The following TTC3 variants were observed in gnomAD, a reference collection of about 807,000 sequenced individuals.
The protein encoded by TTC3 is tetratricopeptide repeat domain 3.
Under a neutral mutation model 249.6 loss-of-function variants are expected in TTC3, and 180 were observed. The ratio of observed to expected loss-of-function variants is 0.72; its 90% confidence interval spans 0.64 to 0.82. The LOEUF is 0.82. Among genes scored for constraint, TTC3 ranks in the 40% least tolerant of loss-of-function variants. The pLI, the probability that TTC3 is intolerant of heterozygous loss-of-function variation, is 0.00. For missense variants in TTC3, 2,061 were observed against 2,398.4 expected, an observed-to-expected ratio of 0.86 and a Z score of 2.94; for synonymous variants, 717 against 805.0, an observed-to-expected ratio of 0.89 and a Z score of 1.85.
At chr21:37,150,971 T>G in intron 25 of TTC3, 87 bp downstream of exon 25, 5 of 990,830 alleles carry the variant, frequency 5.0e-6, no homozygotes, top group Non-Finnish European at 7.6e-6. Context: ...TTATGCCTTT[T>G]TAAAAATTGG....
intron 18 of TTC3, among the ~76,000 whole-genome samples, chr21:37,137,438 G>T (rs2078055600): frequency 6.6e-6 from 1 of 152,160 alleles, no homozygotes; most frequent in South Asian, 2.1e-4. Context: ...ACTTTGAGGG[G>T]TTCAGGACAT....
At chr21:37,161,364 CTCCCAGGCTCAAGT>C (rs962106827) in intron 30 of TTC3, among the ~76,000 whole-genome samples, 26 of 152,240 alleles carry the variant, frequency 1.7e-4, no homozygotes, top group Non-Finnish European at 3.1e-4. Flanking sequence ...CAGCCTCAAA[CTCCCAGGCTCAAGT>C]GATCTTCCCA....
exon 18 of TTC3, chr21:37,135,412 C>T: frequency 6.2e-7 from 1 of 1,613,544 alleles, no homozygotes; most frequent in Non-Finnish European, 8.5e-7. Flanking sequence ...TGCTGAGAAG[C>T]TTAATTCAAG....
rs146500630 is a variant in TTC3, at chr21:37,075,441, C to T, written c.-12+2077C>T. Among the ~76,000 whole-genome samples, 795 of 152,270 alleles carry T rather than the reference C, an allele frequency of 5.2e-3. 9 individuals are homozygous for T. The highest frequency in any genetic ancestry group is 0.018 in the African/African-American group (755 of 41,542). ...AAGTACACCTAAGTAGTAGATTTGC[C>T]GGATTGTAGGCTATGTGCGTCTTCA... On this transcript the variant is annotated intron_variant, in intron 1 of 45. Transcript: ENST00000355666.
chr21:37,147,731 ATT>A (rs372841981), intron 22 of TTC3, 128 bp downstream of exon 22: 14,338 of 819,618 alleles, frequency 0.017, no homozygotes, highest in South Asian at 0.026. Flanking sequence ...CTTTCCCAGG[ATT>A]TTTTTTTTTT....
rs144830241 is a variant in TTC3 at position 37,087,324 on chromosome 21, G to T, written c.67G>T (p.Val23Leu). ...TGCCTTGTTAGAAGATTGCCCTCAC[G>T]TGGATGATTGTGTCTTTGCTGCTGA... The change falls in exon 2 of 46, where the codon GTG becomes TTG. Residue 23 changes from valine (V) to leucine (L), a missense_variant. Physicochemically the swap from Val to Leu is conservative, Grantham distance 32. Around this residue, in one of 3 missense-constraint regions of TTC3, gnomAD observed 989 missense variants for 1,145.1 expected, o/e 0.86. Coordinates refer to ENST00000355666, the Ensembl canonical transcript of TTC3. The T allele has an allele frequency of 3.7e-6, 6 of 1,614,062 alleles. No homozygotes were observed. The highest frequency in any genetic ancestry group is 1.3e-5 in the African/African-American group (1 of 75,040).
chr21:37,148,707 C>A, intron 23 of TTC3, 60 bp downstream of exon 23: 1 of 1,096,202 alleles, frequency 9.1e-7, no homozygotes, highest in South Asian at 1.8e-5. Context: ...CAATTTTTCC[C>A]CCAAGAATTC....
At chr21:37,156,524 A>G in intron 27 of TTC3, 131 bp from the exon 28 acceptor site, 1 of 1,130,366 alleles carries the variant, frequency 8.8e-7, no homozygotes, top group South Asian at 1.6e-5. Flanking sequence ...ATCTGTTCTC[A>G]ACTATTTAAA....
At chr21:37,161,693 A>G (rs1362853281) in intron 30 of TTC3, among the ~76,000 whole-genome samples, 1 of 152,214 alleles carries the variant, frequency 6.6e-6, no homozygotes, top group African/African-American at 2.4e-5. Flanking sequence ...TTCCAATACA[A>G]CTTTTATTTT....
At chr21:37,150,615 T>G (rs1443872014) in intron 24 of TTC3, among the ~76,000 whole-genome samples, 2 of 152,208 alleles carry the variant, frequency 1.3e-5, no homozygotes, top group African/African-American at 4.8e-5. Flanking sequence ...AAAAACTTTT[T>G]CCTCAAGTGT....
intron 5 of TTC3, among the ~76,000 whole-genome samples, chr21:37,089,581 T>C (rs1308042705): frequency 1.3e-5 from 2 of 152,186 alleles, no homozygotes; most frequent in Non-Finnish European, 2.9e-5. Context: ...TGACGAGATC[T>C]TGGCTCACTG....
At chr21:37,159,315 C>A (rs1235381553) in intron 28 of TTC3, among the ~76,000 whole-genome samples, 4 of 22 alleles carry the variant, frequency 0.18, no homozygotes, top group East Asian at 0.5. Context: ...CCTTCGTGAG[C>A]CTTTGTTGCC....
intron 1 of TTC3, chr21:37,085,966 T>C (rs1222709225): frequency 6.6e-6 from 1 of 152,220 alleles, no homozygotes; most frequent in East Asian, 1.9e-4. Flanking sequence ...TTGATTTAAG[T>C]GAGCATTTTC....
At chr21:37,094,488 G>A (rs1267469169) in intron 8 of TTC3, among the ~76,000 whole-genome samples, 1 of 152,136 alleles carries the variant, frequency 6.6e-6, no homozygotes, top group African/African-American at 2.4e-5. Flanking sequence ...TTAAAAAATT[G>A]AGTGTTCGAA....
At chr21:37,135,468 A>G (rs1455120451) in exon 18 of TTC3, 3 of 1,614,060 alleles carry the variant, frequency 1.9e-6, no homozygotes, top group South Asian at 1.1e-5. Flanking sequence ...AGCGCTGCAC[A>G]GGCCTTTACA....
At chr21:37,082,869 TG>T in intron 1 of TTC3, 1 of 974,474 alleles carries the variant, frequency 1.0e-6, no homozygotes, top group Non-Finnish European at 1.2e-6. Context: ...AAAAATTTTA[TG>T]GTACCAAGCA....
intron 28 of TTC3, 130 bp from the exon 29 acceptor site, chr21:37,159,569 T>G (rs2835636): frequency 9.8e-7 from 1 of 1,024,424 alleles, no homozygotes; most frequent in East Asian, 2.7e-5. Context: ...ACTACACTTG[T>G]GTCAAAGCCA....
At chr21:37,191,125 T>C (rs1239773075) in intron 39 of TTC3, among the ~76,000 whole-genome samples, 2 of 152,188 alleles carry the variant, frequency 1.3e-5, no homozygotes, top group Non-Finnish European at 2.9e-5. Flanking sequence ...CCTTCGGTTT[T>C]AGAGTTTTTG....
At chr21:37,135,543 T>C (rs2077854169) in intron 18 of TTC3, 29 bp downstream of exon 18, 1 of 1,605,944 alleles carries the variant, frequency 6.2e-7, no homozygotes, top group South Asian at 1.1e-5. Flanking sequence ...AACTTGTTTA[T>C]CAATGCTAAT....
Sources: allele counts gnomAD v4.1 joint callset (sites outside exome capture counted in the v4.1 genomes callset), GRCh38; gene constraint gnomAD v4.1.1; regional missense constraint gnomAD v4.1.1; transcripts MANE v1.5; gene names NCBI Gene and HGNC (gene_info 2026-07-23, HGNC 2026-07-21).